GRID2: variants seen among roughly 807,000 people sequenced by gnomAD.
GRID2 encodes glutamate ionotropic receptor delta type subunit 2, also known as glutamate receptor ionotropic, delta-2.
In GRID2, 33 loss-of-function variants were observed where a neutral mutation model predicts 114.8. The observed-to-expected ratio is 0.29, with a 90% confidence interval of 0.22 to 0.38. The LOEUF is 0.38. GRID2 is among the 10% of genes least tolerant of loss of function. GRID2 has a pLI of 1.00. For synonymous variants in GRID2, 505 were observed against 449.9 expected, an observed-to-expected ratio of 1.12 and a Z score of -1.55; for missense variants, 1,184 against 1,257.7, an observed-to-expected ratio of 0.94 and a Z score of 0.89.
chr4:93,743,093 A>G (rs963741747), intron 14 of GRID2, among the ~76,000 whole-genome samples: 2 of 152,208 alleles, frequency 1.3e-5, no homozygotes, highest in African/African-American at 2.4e-5. Context: ...CAGCCTTATT[A>G]CTGAAAATGG....
intron 2 of GRID2, among the ~76,000 whole-genome samples, chr4:92,789,796 C>A (rs867681931): frequency 6.6e-6 from 1 of 151,882 alleles, no homozygotes; most frequent in East Asian, 1.9e-4. Context: ...TTATCACACA[C>A]GTCCACTGAT....
intron 13 of GRID2, among the ~76,000 whole-genome samples, chr4:93,528,063 A>C (rs1312892619): frequency 6.6e-6 from 1 of 151,966 alleles, no homozygotes; most frequent in African/African-American, 2.4e-5. Flanking sequence ...AGGCTAAATA[A>C]TATTCTGTTG....
At chr4:93,504,179 G>GA (rs530436004) in intron 12 of GRID2, among the ~76,000 whole-genome samples, 224 of 151,952 alleles carry the variant, frequency 1.5e-3, no homozygotes, top group African/African-American at 4.8e-3. Flanking sequence ...TCTTATAGAG[G>GA]AAAAAAATCA....
chr4:93,683,242 C>T (rs1029008628), intron 14 of GRID2, among the ~76,000 whole-genome samples: 2 of 152,000 alleles, frequency 1.3e-5, no homozygotes, highest in Admixed American at 1.3e-4. Flanking sequence ...CTGCTCAGAT[C>T]TCAAGTTACA....
chr4:92,766,416 A>G (rs1274795021), intron 2 of GRID2, among the ~76,000 whole-genome samples: 1 of 151,776 alleles, frequency 6.6e-6, no homozygotes, highest in Non-Finnish European at 1.5e-5. Flanking sequence ...GGGCGCCTGT[A>G]GTCCCAGCTA....
At chr4:93,290,194 C>G (rs1753588135) in intron 8 of GRID2, among the ~76,000 whole-genome samples, 1 of 152,054 alleles carries the variant, frequency 6.6e-6, no homozygotes, top group Non-Finnish European at 1.5e-5. Context: ...ATTTCATGTT[C>G]AAGTTCCTCA....
At chr4:93,426,472 T>C (rs1768860499) in intron 10 of GRID2, among the ~76,000 whole-genome samples, 1 of 152,166 alleles carries the variant, frequency 6.6e-6, no homozygotes, top group Admixed American at 6.5e-5. Context: ...GCTAATAAAC[T>C]ACACTTGCTA....
At chr4:92,821,084 A>C (rs1281766937) in intron 2 of GRID2, among the ~76,000 whole-genome samples, 4 of 152,146 alleles carry the variant, frequency 2.6e-5, no homozygotes, top group Non-Finnish European at 4.4e-5. Flanking sequence ...ATAACCATAT[A>C]TATAGCCAAT....
chr4:93,021,606 ATTAT>A (rs1242714751), intron 2 of GRID2, among the ~76,000 whole-genome samples: 2 of 145,198 alleles, frequency 1.4e-5, no homozygotes, highest in South Asian at 2.1e-4. Context: ...AATCTTATAT[ATTAT>A]TTATATATTG....
intron 1 of GRID2, among the ~76,000 whole-genome samples, chr4:92,343,989 C>T (rs1399154537): frequency 6.6e-6 from 1 of 152,130 alleles, no homozygotes; most frequent in Admixed American, 6.5e-5. Flanking sequence ...TCCTCCTTGT[C>T]TTCACATTAA....
chr4:93,386,955 G>A (rs1764374176), intron 8 of GRID2, among the ~76,000 whole-genome samples: 1 of 152,164 alleles, frequency 6.6e-6, no homozygotes, highest in Non-Finnish European at 1.5e-5. Flanking sequence ...GGGGTCCTAA[G>A]TCCTTGACTG....
intron 2 of GRID2, among the ~76,000 whole-genome samples, chr4:93,001,033 A>T (rs1720925933): frequency 6.6e-6 from 1 of 151,670 alleles, no homozygotes; most frequent in African/African-American, 2.4e-5. Flanking sequence ...AAATTAGAAA[A>T]TACAAGAGTA....
chr4:93,362,979 A>G (rs908309168), intron 8 of GRID2, among the ~76,000 whole-genome samples: 2 of 152,104 alleles, frequency 1.3e-5, no homozygotes, highest in African/African-American at 2.4e-5. Flanking sequence ...CAGCACTTTG[A>G]CAGGCTGAGG....
At chr4:92,858,173 C>G (rs72663595) in intron 2 of GRID2, among the ~76,000 whole-genome samples, 19 of 152,184 alleles carry the variant, frequency 1.2e-4, no homozygotes, top group Non-Finnish European at 2.2e-4. Context: ...TTCATACCTA[C>G]TAACACAACA....
intron 2 of GRID2, among the ~76,000 whole-genome samples, chr4:93,055,362 C>T (rs1727125570): frequency 6.6e-6 from 1 of 151,700 alleles, no homozygotes; most frequent in South Asian, 2.1e-4. Flanking sequence ...AGGTTCTTCA[C>T]TTGCCCACAG....
Position 93,412,245 on chromosome 4 carries a change from A to G in GRID2, c.1348-10526A>G, listed in dbSNP as rs570042556. 7.5e-3 allele frequency among the ~76,000 whole-genome samples: 1,081 copies of G among 144,900 alleles called. 15 individuals carry two copies. Among genetic ancestry groups the G allele is most frequent in the African/African-American group, 0.026 (1,032 of 40,252 alleles). On this transcript the variant is annotated intron_variant, in intron 9 of 15. Coordinates refer to ENST00000282020, the MANE Select transcript of GRID2 (RefSeq NM_001510.4). ...TAAGACCCATCCCCCCCCCCCAAAA[A>G]AAAATACCAGGCATAACAGTGTGTG...
intron 2 of GRID2, among the ~76,000 whole-genome samples, chr4:93,074,012 C>T (rs960987748): frequency 3.3e-5 from 5 of 152,202 alleles, no homozygotes; most frequent in Non-Finnish European, 5.9e-5. Flanking sequence ...GGCACCTCCA[C>T]TTGGTGCAGC....
chr4:93,459,876 TC>T (rs1184696471), intron 11 of GRID2, among the ~76,000 whole-genome samples: 1 of 152,208 alleles, frequency 6.6e-6, no homozygotes, highest in Admixed American at 6.5e-5. Context: ...TGTTAGAAAC[TC>T]TGAAAATAGT....
At chr4:93,023,227 T>A (rs1015979331) in intron 2 of GRID2, among the ~76,000 whole-genome samples, 3 of 151,790 alleles carry the variant, frequency 2.0e-5, no homozygotes, top group African/African-American at 4.8e-5. Flanking sequence ...TTTTAATTAA[T>A]GACATATTGC....
Sources: gnomAD v4.1 joint callset for allele counts (sites outside exome capture counted in the v4.1 genomes callset) on GRCh38, gnomAD v4.1.1 for gene constraint, MANE v1.5 for transcripts, NCBI Gene and HGNC (gene_info 2026-07-23, HGNC 2026-07-21) for gene names.